Variants in CFAP210 observed in about 807,000 individuals in gnomAD.
CFAP210 encodes the protein cilia and flagella associated protein 210.
At chr2:169,694,361 C>A in the CFAP210 span, 3 of 1,606,252 alleles carry the variant, frequency 1.9e-6, no homozygotes, top group Non-Finnish European at 2.6e-6. Context: ...GACTGTGGCG[C>A]CAAGCGCCGC....
chr2:169,662,162 T>C, the CFAP210 span: 1 of 1,007,590 alleles, frequency 9.9e-7, no homozygotes, highest in Non-Finnish European at 1.5e-6. Flanking sequence ...ACATAATGTA[T>C]GCATGGGTCA....
At chr2:169,661,276 A>G in the CFAP210 span, 1 of 549,386 alleles carries the variant, frequency 1.8e-6, no homozygotes, top group African/African-American at 1.9e-5. Context: ...GTCCTCCAAG[A>G]TGCCGTTTGC....
At chr2:169,694,256 C>T in the CFAP210 span, 3 of 1,614,020 alleles carry the variant, frequency 1.9e-6, no homozygotes, top group Non-Finnish European at 2.5e-6. Context: ...GTCAGTTTAG[C>T]TCACCTGTAC....
the CFAP210 span, among the ~76,000 whole-genome samples, chr2:169,672,037 T>C: frequency 6.6e-6 from 1 of 152,378 alleles, no homozygotes; most frequent in South Asian, 2.1e-4. Context: ...ATTCCATTTC[T>C]ATTGGTTTAA....
chr2:169,650,734 C>CTGTGTGTGTG, the CFAP210 span, among the ~76,000 whole-genome samples: 16,892 of 147,068 alleles, frequency 0.11, 1,088 homozygotes, highest in African/African-American at 0.16. Flanking sequence ...TATGTATAAT[C>CTGTGTGTGTG]TGTGTGTGTG....
chr2:169,653,701 T>G, the CFAP210 span, among the ~76,000 whole-genome samples: 16 of 152,310 alleles, frequency 1.1e-4, no homozygotes, highest in African/African-American at 3.8e-4. Flanking sequence ...CTCTGGAAAC[T>G]ATTTATTGGT....
the CFAP210 span, among the ~76,000 whole-genome samples, chr2:169,684,846 G>A: frequency 6.6e-6 from 1 of 152,092 alleles, no homozygotes; most frequent in African/African-American, 2.4e-5. Context: ...AGTAGACATG[G>A]AGTTTCACTG....
the CFAP210 span, chr2:169,645,959 C>G: frequency 6.2e-7 from 1 of 1,613,952 alleles, no homozygotes; most frequent in East Asian, 2.2e-5. Context: ...GGGTCTTAAT[C>G]CACCTCTGTC....
chr2:169,670,759 A>G, the CFAP210 span, among the ~76,000 whole-genome samples: 3 of 152,152 alleles, frequency 2.0e-5, no homozygotes, highest in African/African-American at 7.2e-5. Context: ...TCCATGGGAG[A>G]CAGCAAGGAG....
At chr2:169,660,868 G>A in the CFAP210 span, 7 of 328,238 alleles carry the variant, frequency 2.1e-5, no homozygotes, top group Non-Finnish European at 4.2e-5. Flanking sequence ...CTCCCAAAGT[G>A]CTAGGATTAT....
the CFAP210 span, among the ~76,000 whole-genome samples, chr2:169,669,754 G>A: frequency 1.7e-3 from 252 of 146,754 alleles, no homozygotes; most frequent in African/African-American, 6.1e-3. Flanking sequence ...CAGTCTGGGC[G>A]ACACAGCGAG....
At chr2:169,653,649 C>T in the CFAP210 span, among the ~76,000 whole-genome samples, 1 of 152,154 alleles carries the variant, frequency 6.6e-6, no homozygotes, top group Non-Finnish European at 1.5e-5. Context: ...TCCCTTCTTA[C>T]TGAGAGTCTT....
At chr2:169,668,932 C>A in the CFAP210 span, among the ~76,000 whole-genome samples, 104 of 152,188 alleles carry the variant, frequency 6.8e-4, 2 homozygotes, top group South Asian at 0.021. Context: ...TAAATTCGCT[C>A]AATGCAGGGT....
At chr2:169,681,166 C>A in the CFAP210 span, 2 of 1,613,928 alleles carry the variant, frequency 1.2e-6, no homozygotes, top group South Asian at 1.1e-5. Flanking sequence ...TGGTGACCTG[C>A]TGGAGATCTA....
At chr2:169,676,042 T>C in the CFAP210 span, among the ~76,000 whole-genome samples, 1 of 152,346 alleles carries the variant, frequency 6.6e-6, no homozygotes, top group Admixed American at 6.5e-5. Context: ...CTGGCTGAAA[T>C]CCATTTTTCT....
At chr2:169,674,443 AT>A in the CFAP210 span, 1 of 712,498 alleles carries the variant, frequency 1.4e-6, no homozygotes, top group Non-Finnish European at 2.2e-6. Flanking sequence ...AGTGATAGCG[AT>A]TTTTAACCTC....
chr2:169,649,217 G>C, the CFAP210 span: 2 of 1,612,942 alleles, frequency 1.2e-6, no homozygotes, highest in Non-Finnish European at 1.7e-6. Context: ...ACCTCTTGAT[G>C]TTCTTTATCA....
chr2:169,671,064 G>A, the CFAP210 span, among the ~76,000 whole-genome samples: 33 of 152,164 alleles, frequency 2.2e-4, no homozygotes, highest in Middle Eastern at 3.2e-3. Context: ...TCTGCCCAAA[G>A]AAGACAGTCA....
At chr2:169,687,972 AAC>A in the CFAP210 span, among the ~76,000 whole-genome samples, 1 of 152,226 alleles carries the variant, frequency 6.6e-6, no homozygotes, top group African/African-American at 2.4e-5. Context: ...CTACAGGCTC[AAC>A]ACCATGTGGA....
Sources: gnomAD v4.1 joint callset for allele counts (sites outside exome capture counted in the v4.1 genomes callset) on GRCh38, gnomAD v4.1.1 for gene constraint, MANE v1.5 for transcripts, NCBI Gene and HGNC (gene_info 2026-07-23, HGNC 2026-07-21) for gene names.